The following C1orf174 variants were observed in gnomAD, a reference collection of about 807,000 sequenced individuals.
C1orf174 encodes the protein chromosome 1 open reading frame 174, also known as UPF0688 protein C1orf174.
A neutral mutation model predicts 18.4 loss-of-function variants in C1orf174; 13 were observed. The ratio of observed to expected loss-of-function variants is 0.71; its 90% CI spans 0.46 to 1.12. C1orf174 has a LOEUF of 1.12. C1orf174 is among the 50% of genes most tolerant of loss of function. The probability of loss-of-function intolerance (pLI) is 0.00; values close to 1 mark genes in which losing one functional copy is unlikely to be tolerated. For synonymous variants in C1orf174, 100 were observed against 118.3 expected (o/e 0.85, Z 1.01); for missense variants, 309 against 308.0 (o/e 1.00, Z -0.02).
intron 2 of C1orf174, chr1:3,891,579 A>G: frequency 1.0e-6 from 1 of 988,022 alleles, no homozygotes; most frequent in Non-Finnish European, 1.2e-6. Flanking sequence ...CATATGGCCA[A>G]GTCCTAACCC....
chr1:3,900,089 A>G, intron 1 of C1orf174, 83 bp downstream of exon 1: 1 of 1,490,770 alleles, frequency 6.7e-7, no homozygotes, highest in Non-Finnish European at 8.9e-7. Flanking sequence ...GCACCCCGTG[A>G]CCCCGCCCCG....
intron 3 of C1orf174, 113 bp downstream of exon 3, chr1:3,890,456 T>C: frequency 1.4e-6 from 2 of 1,411,708 alleles, no homozygotes; most frequent in Non-Finnish European, 1.9e-6. Context: ...ATGATTAGTT[T>C]ATGTTTAATG....
chr1:3,899,270 A>C (rs1157976560), intron 1 of C1orf174, among the ~76,000 whole-genome samples: 2 of 152,254 alleles, frequency 1.3e-5, no homozygotes, highest in Non-Finnish European at 1.5e-5. Flanking sequence ...CATTTTAAAA[A>C]AGATCCAAGT....
chr1:3,896,859 T>C (rs151261421), intron 1 of C1orf174, among the ~76,000 whole-genome samples: 246 of 152,266 alleles, frequency 1.6e-3, no homozygotes, highest in African/African-American at 5.6e-3. Flanking sequence ...TTAGCGAAGT[T>C]CAACAGCTGG....
At chr1:3,891,502 T>C (rs1265651468) in intron 2 of C1orf174, 16 of 749,700 alleles carry the variant, frequency 2.1e-5, no homozygotes, top group Non-Finnish European at 2.6e-5. Flanking sequence ...GAAATATTTG[T>C]GAAATTGACT....
At chr1:3,890,488 C>G in intron 3 of C1orf174, 81 bp downstream of exon 3, 1 of 1,543,548 alleles carries the variant, frequency 6.5e-7, no homozygotes, top group South Asian at 1.2e-5. Context: ...CATTATTTAC[C>G]TGCACTGAGT....
chr1:3,896,567 G>A (rs1437472307), intron 1 of C1orf174, among the ~76,000 whole-genome samples: 1 of 152,254 alleles, frequency 6.6e-6, no homozygotes, highest in Non-Finnish European at 1.5e-5. Context: ...ATGGAATGTG[G>A]AGAAGTTCCG....
At chr1:3,893,901 AAATAAT>A (rs914639146) in intron 1 of C1orf174, among the ~76,000 whole-genome samples, 9 of 152,192 alleles carry the variant, frequency 5.9e-5, no homozygotes, top group African/African-American at 2.2e-4. Context: ...GTCTCTGAAA[AAATAAT>A]AATAATAAAA....
At position 3,890,964 on chromosome 1, in the gene C1orf174, C is replaced by A; in HGVS notation, c.223G>T (p.Val75Phe). The A allele has an allele frequency of 1.2e-6, 2 of 1,614,206 alleles. No homozygotes were observed. The highest frequency in any genetic ancestry group is 8.5e-7 in the Non-Finnish European group (1 of 1,180,046). The change falls in exon 3 of 4, where the codon GTC becomes TTC. Residue 75 changes from valine to phenylalanine, a missense_variant. Coordinates refer to ENST00000361605, the MANE Select transcript of C1orf174 (RefSeq NM_207356.3). ...HLVKSELQKLVPKNDSASLPK... is the reference protein window; with the variant it reads ...HLVKSELQKLFPKNDSASLPK... ...AAAGAAGCGCTGTCATTCTTAGGGA[C>A]AAGCTTCTGTAATTCTGACTTCACA...
chr1:3,893,356 A>G (rs769679973), intron 1 of C1orf174, among the ~76,000 whole-genome samples: 2 of 152,188 alleles, frequency 1.3e-5, no homozygotes, highest in Non-Finnish European at 2.9e-5. Context: ...ATACGTTGTC[A>G]AAGTTTTTAA....
At position 3,900,142 on chromosome 1, in the gene C1orf174, G is replaced by C; in HGVS notation, c.15+30C>G. ...TGACCCAGAGTCCCCGCCCTGCCCG[G>C]CGCAGCTGCTGCCGGGACCCAGCCC... On this transcript the variant is annotated intron_variant, in intron 1 of 3. Transcript: ENST00000361605. 3 of 1,572,432 alleles carry C rather than the reference G, an allele frequency of 1.9e-6. No individual in the cohort carries two copies. In the South Asian group the frequency reaches 3.4e-5, roughly 18 times the overall value.
At position 3,900,167 on chromosome 1, in the gene C1orf174, C is replaced by G; in HGVS notation, c.15+5G>C. The stretch of plus-strand genomic sequence containing the variant: ...GCGCAGCTGCTGCCGGGACCCAGCC[C>G]TCACCTTCCGGCTCCTCATGAGTGT... On this transcript the variant is annotated splice_donor_5th_base_variant and intron_variant, in intron 1 of 3. Transcript: ENST00000361605. The G allele has an allele frequency of 6.3e-7, 1 of 1,586,668 alleles. No individual in the cohort carries two copies. The highest frequency in any genetic ancestry group is 8.5e-7 in the Non-Finnish European group (1 of 1,174,856).
chr1:3,892,647 G>A, intron 2 of C1orf174: 1 of 1,312,958 alleles, frequency 7.6e-7, no homozygotes, highest in South Asian at 1.5e-5. Context: ...TCAGAGCCCG[G>A]GTCTAGACAC....
chr1:3,899,622 G>C (rs137875859), intron 1 of C1orf174, among the ~76,000 whole-genome samples: 1 of 152,236 alleles, frequency 6.6e-6, no homozygotes, highest in Admixed American at 6.5e-5. Flanking sequence ...AGTGGCAGCA[G>C]TTGAGGGGCA....
At chr1:3,894,348 C>A (rs1215146935) in intron 1 of C1orf174, among the ~76,000 whole-genome samples, 2 of 151,086 alleles carry the variant, frequency 1.3e-5, no homozygotes, top group Admixed American at 6.6e-5. Context: ...TGGCTCACGG[C>A]TGTAATCCCA....
rs955882607 is a variant in C1orf174, at chr1:3,889,725, A to T, written c.*235T>A. The stretch of plus-strand genomic sequence containing the variant: ...GAAAAAAAAAAAAAAAAAAAAAGAA[A>T]GGACATTGGCACAGTACAGCAGCTT... On this transcript the variant is annotated 3_prime_UTR_variant, in exon 4 of 4. Transcript: ENST00000361605. 1 of 354,330 alleles carries T rather than the reference A, an allele frequency of 2.8e-6. No homozygotes were observed. Among genetic ancestry groups the T allele is most frequent in the Non-Finnish European group, 5.1e-6 (1 of 194,312 alleles). 21.9% of individuals were successfully genotyped at this position (354,330 alleles called of 1,614,324 possible). A position where few individuals can be genotyped will look rare whatever the true frequency, so the allele number is the denominator to read the frequency against.
intron 1 of C1orf174, among the ~76,000 whole-genome samples, chr1:3,893,902 A>C (rs561157398): frequency 6.6e-6 from 1 of 152,294 alleles, no homozygotes; most frequent in Non-Finnish European, 1.5e-5. Flanking sequence ...TCTCTGAAAA[A>C]ATAATAATAA....
intron 1 of C1orf174, among the ~76,000 whole-genome samples, chr1:3,898,612 A>G (rs1248582485): frequency 6.6e-6 from 1 of 152,244 alleles, no homozygotes; most frequent in Non-Finnish European, 1.5e-5. Flanking sequence ...AAGTGACCCC[A>G]GACAGTAATT....
chr1:3,896,733 C>A (rs1250690163), intron 1 of C1orf174, among the ~76,000 whole-genome samples: 1 of 152,232 alleles, frequency 6.6e-6, no homozygotes, highest in Non-Finnish European at 1.5e-5. Flanking sequence ...ACAGAACAAA[C>A]TAACCAAACA....
Sources: allele counts gnomAD v4.1 joint callset (sites outside exome capture counted in the v4.1 genomes callset), GRCh38; gene constraint gnomAD v4.1.1; transcripts MANE v1.5; gene names NCBI Gene and HGNC (gene_info 2026-07-23, HGNC 2026-07-21).